The following NALCN variants were observed in gnomAD, a reference collection of about 807,000 sequenced individuals.
NALCN encodes sodium leak channel, non-selective, also known as sodium leak channel NALCN.
NALCN carries 111 observed loss-of-function variants against 225.3 expected under a neutral mutation model. The observed-to-expected ratio is 0.49, with a 90% confidence interval of 0.42 to 0.58. The LOEUF is 0.58. Ranked by LOEUF, NALCN falls within the 20% of genes least tolerant of loss-of-function variation. NALCN has a pLI of 0.00. For synonymous variants in NALCN, 764 were observed against 769.0 expected (o/e 0.99, Z 0.11); for missense variants, 1,378 against 2,202.4 (o/e 0.63, Z 7.49).
intron 1 of NALCN, among the ~76,000 whole-genome samples, chr13:101,403,913 A>T (rs191153441): frequency 1.7e-4 from 26 of 152,332 alleles, no homozygotes; most frequent in Non-Finnish European, 7.3e-5. Flanking sequence ...TCAAACTCTG[A>T]CTTTCATGTC....
At chr13:101,347,140 T>TACACACACACACAC (rs56838607) in intron 6 of NALCN, among the ~76,000 whole-genome samples, 1 of 149,428 alleles carries the variant, frequency 6.7e-6, no homozygotes, top group African/African-American at 2.5e-5. Context: ...TACATAGTTT[T>TACACACACACACAC]ACACACACAC....
chr13:101,308,249 T>C (rs1346323885), intron 7 of NALCN, among the ~76,000 whole-genome samples: 1 of 152,222 alleles, frequency 6.6e-6, no homozygotes, highest in Non-Finnish European at 1.5e-5. Context: ...CCTGGGCGCA[T>C]GGCTGCTCAG....
In NALCN at chr13:101,081,584, GTA is replaced by G. The variant is rs1566792584; in HGVS notation, c.3826_3827del (p.Tyr1276ArgfsTer34). The G allele has an allele frequency of 1.4e-5, 22 of 1,614,144 alleles. No individual in the cohort carries two copies. Among genetic ancestry groups the G allele is most frequent in the Non-Finnish European group, 1.8e-5 (21 of 1,180,008 alleles). On this transcript the variant is annotated frameshift_variant, in exon 34 of 44. Transcript: ENST00000251127. LOFTEE classifies it high-confidence loss of function. ...AGFWQSRRNR[Y>X]DLLVTSLGVV... ...CGCCAAGCGACGTCACCAGGAGATC[GTA>G]TCGGTTTCTTCTGCTTTGCCAGAAG...
At chr13:101,062,209 A>C in intron 40 of NALCN, 91 bp from the exon 41 acceptor site, 1 of 1,428,322 alleles carries the variant, frequency 7.0e-7, no homozygotes, top group Non-Finnish European at 9.5e-7. Flanking sequence ...GACATCACTC[A>C]GTCTAATAAG....
intron 6 of NALCN, among the ~76,000 whole-genome samples, chr13:101,367,833 T>TAA (rs2046419862): frequency 6.6e-6 from 1 of 152,128 alleles, no homozygotes; most frequent in Non-Finnish European, 1.5e-5. Flanking sequence ...CAGTTCATTA[T>TAA]GGTCTTCAGA....
At chr13:101,145,024 C>A in intron 15 of NALCN, 128 bp from the exon 16 acceptor site, 8 of 1,017,052 alleles carry the variant, frequency 7.9e-6, no homozygotes, top group Admixed American at 3.1e-5. Context: ...GCAGCAAAGG[C>A]CTACCAAGTA....
At chr13:101,318,079 C>T (rs762614889) in intron 7 of NALCN, among the ~76,000 whole-genome samples, 21 of 152,230 alleles carry the variant, frequency 1.4e-4, no homozygotes, top group East Asian at 9.6e-4. Flanking sequence ...ACCCCTTTTC[C>T]CATTGTCACA....
intron 10 of NALCN, among the ~76,000 whole-genome samples, chr13:101,269,810 C>T (rs2042716577): frequency 6.6e-6 from 1 of 152,156 alleles, no homozygotes; most frequent in Non-Finnish European, 1.5e-5. Flanking sequence ...TTCTTCATGA[C>T]CCTCTGATTC....
chr13:101,216,663 C>G (rs985837540), intron 13 of NALCN, among the ~76,000 whole-genome samples: 1 of 152,122 alleles, frequency 6.6e-6, no homozygotes, highest in Non-Finnish European at 1.5e-5. Context: ...GTCACACACT[C>G]TCACTACATC....
intron 31 of NALCN, 140 bp downstream of exon 31, chr13:101,083,571 G>A (rs2033774089): frequency 1.3e-6 from 1 of 741,398 alleles, no homozygotes; most frequent in South Asian, 1.9e-5. Context: ...AGAGATCTGT[G>A]GTTTGGAGCC....
intron 7 of NALCN, among the ~76,000 whole-genome samples, chr13:101,301,447 G>A (rs956860522): frequency 6.6e-6 from 1 of 152,166 alleles, no homozygotes; most frequent in Non-Finnish European, 1.5e-5. Context: ...GAAAGGCCGG[G>A]CGCAGTGGCT....
chr13:101,070,507 A>G (rs1376607262), intron 37 of NALCN, among the ~76,000 whole-genome samples: 1 of 152,206 alleles, frequency 6.6e-6, no homozygotes, highest in Non-Finnish European at 1.5e-5. Flanking sequence ...TAAGACTTGA[A>G]AGTTGAAATG....
intron 13 of NALCN, among the ~76,000 whole-genome samples, chr13:101,203,163 T>C (rs981297059): frequency 6.6e-6 from 1 of 152,234 alleles, no homozygotes; most frequent in African/African-American, 2.4e-5. Flanking sequence ...GCCTTAAAAA[T>C]ATTGTCCCAA....
chr13:101,212,809 A>C (rs1446036420), intron 13 of NALCN, among the ~76,000 whole-genome samples: 1 of 152,124 alleles, frequency 6.6e-6, no homozygotes, highest in Non-Finnish European at 1.5e-5. Flanking sequence ...TAAAAAGTCT[A>C]TCCATCTGAA....
At chr13:101,392,252 C>A (rs975553558) in intron 3 of NALCN, among the ~76,000 whole-genome samples, 5 of 151,624 alleles carry the variant, frequency 3.3e-5, no homozygotes, top group Non-Finnish European at 7.4e-5. Flanking sequence ...AAAGATTAGA[C>A]CAAATTTAAA....
At chr13:101,189,676 G>C (rs1299071865) in intron 14 of NALCN, among the ~76,000 whole-genome samples, 2 of 152,172 alleles carry the variant, frequency 1.3e-5, no homozygotes, top group Non-Finnish European at 2.9e-5. Flanking sequence ...TTACCAAACT[G>C]TTCTCGTTAA....
At chr13:101,144,958 A>G in intron 15 of NALCN, 62 bp from the exon 16 acceptor site, 1 of 1,496,122 alleles carries the variant, frequency 6.7e-7, no homozygotes, top group South Asian at 1.4e-5. Context: ...TATACGTTAC[A>G]CAAAATTAGT....
intron 3 of NALCN, among the ~76,000 whole-genome samples, chr13:101,381,699 A>C (rs1469023196): frequency 6.6e-6 from 1 of 152,082 alleles, no homozygotes. Flanking sequence ...AACAAAACAA[A>C]CGCTTCTGTC....
intron 26 of NALCN, among the ~76,000 whole-genome samples, chr13:101,101,631 G>A (rs1360172084): frequency 6.6e-6 from 1 of 152,140 alleles, no homozygotes; most frequent in Non-Finnish European, 1.5e-5. Flanking sequence ...CAGTGGCTTA[G>A]CTGTCTTGTA....
Sources: allele counts gnomAD v4.1 joint callset (sites outside exome capture counted in the v4.1 genomes callset), GRCh38; gene constraint gnomAD v4.1.1; transcripts MANE v1.5; gene names NCBI Gene and HGNC (gene_info 2026-07-23, HGNC 2026-07-21).